The following ETFA variants were observed in gnomAD, a reference collection of about 807,000 sequenced individuals.
ETFA encodes the protein electron transfer flavoprotein subunit alpha, also known as electron transfer flavoprotein subunit alpha, mitochondrial.
In ETFA, 22 loss-of-function variants were observed where a neutral mutation model predicts 46.2. That is an observed-to-expected ratio of 0.48 (90% CI 0.34 to 0.68). The LOEUF is 0.68. ETFA is among the 30% of genes least tolerant of loss of function. The probability of loss-of-function intolerance (pLI) is 0.01; values close to 1 mark genes in which losing one functional copy is unlikely to be tolerated. For synonymous variants in ETFA, 131 were observed against 139.9 expected (o/e 0.94, Z 0.45); for missense variants, 345 against 401.1 (o/e 0.86, Z 1.19).
intron 9 of ETFA, among the ~76,000 whole-genome samples, chr15:76,249,435 A>ACC (rs2039274713): frequency 1.3e-5 from 1 of 74,806 alleles, no homozygotes; most frequent in African/African-American, 5.4e-5. Context: ...GTCCATGGTA[A>ACC]TTTTTTTTTT....
intron 7 of ETFA, 47 bp downstream of exon 7, chr15:76,285,589 AT>A (rs2039697388): frequency 9.6e-7 from 1 of 1,046,634 alleles, no homozygotes; most frequent in Non-Finnish European, 1.5e-6. Context: ...AAAAAAAAAA[AT>A]CAAAGTATTT....
At chr15:76,297,262 ATGTT>A (rs2039834078) in intron 1 of ETFA, among the ~76,000 whole-genome samples, 1 of 152,128 alleles carries the variant, frequency 6.6e-6, no homozygotes. Context: ...ATCAAATACA[ATGTT>A]TGTTTTCCAA....
chr15:76,298,375 A>C (rs1327171422), intron 1 of ETFA, among the ~76,000 whole-genome samples: 1 of 152,136 alleles, frequency 6.6e-6, no homozygotes, highest in East Asian at 1.9e-4. Flanking sequence ...CATCTATAGA[A>C]GGGTTCTAGG....
intron 1 of ETFA, among the ~76,000 whole-genome samples, chr15:76,305,165 C>A (rs2039928239): frequency 6.6e-6 from 1 of 151,304 alleles, no homozygotes; most frequent in Admixed American, 6.6e-5. Flanking sequence ...TCAGTGTTTT[C>A]CAGTCCTCTA....
chr15:76,286,398 T>G lies in ETFA; in HGVS notation c.535A>C (p.Ser179Arg), dbSNP rs1167865286. ...TTTTCTGAACTGGCACTACCGCCACTTGTTGCTGCAGCATCAAAGGATGTT... is the reference window on the plus strand; with the variant it reads ...TTTTCTGAACTGGCACTACCGCCACGTGTTGCTGCAGCATCAAAGGATGTT... Reference protein sequence around the residue: ...RGTSFDAAATSGGSASSEKAS... With the variant: ...RGTSFDAAATRGGSASSEKAS... Residue 179 changes from serine (S) to arginine (R), a missense_variant, in exon 6 of 12, where the codon AGT becomes CGT. Transcript: ENST00000557943. 1 of 1,613,312 alleles carries G rather than the reference T, an allele frequency of 6.2e-7. No homozygotes were observed. The highest frequency in any genetic ancestry group is 8.5e-7 in the Non-Finnish European group (1 of 1,179,272).
chr15:76,284,902 C>G (rs2039691707), intron 7 of ETFA: 1 of 402,226 alleles, frequency 2.5e-6, no homozygotes, highest in Non-Finnish European at 4.9e-6. Flanking sequence ...TGCACTCCAG[C>G]CTAGGCAACA....
chr15:76,224,997 G>C lies in ETFA; in HGVS notation c.963+852C>G, dbSNP rs529334979. Among the ~76,000 whole-genome samples, 55 of 152,128 alleles carry C rather than the reference G, an allele frequency of 3.6e-4. 1 individual carries two copies. The highest frequency in any genetic ancestry group is 3.5e-4 in the Non-Finnish European group (24 of 67,972). ...GAGAAGGAACACTCAAAAGTGAAGAGTGTGAGGAGTGAGAAATAAGTGCTC... is the reference window on the plus strand; with the variant it reads ...GAGAAGGAACACTCAAAAGTGAAGACTGTGAGGAGTGAGAAATAAGTGCTC... On this transcript the variant is annotated intron_variant, in intron 11 of 11. Transcript: ENST00000557943.
chr15:76,233,009 A>G lies in ETFA; in HGVS notation c.817-1611T>C, dbSNP rs150549009. Among the ~76,000 whole-genome samples, 249 of 152,348 alleles carry G rather than the reference A, an allele frequency of 1.6e-3. 2 individuals are homozygous for G. The highest frequency in any genetic ancestry group is 3.0e-3 in the Non-Finnish European group (203 of 68,034). On this transcript the variant is annotated intron_variant, in intron 9 of 11. Transcript: ENST00000557943. ...AGTCCCCAAAGTGAGTTAATCATCTAAAAATGAGATGAGCTTGTTTTTTGA... is the reference window on the plus strand; with the variant it reads ...AGTCCCCAAAGTGAGTTAATCATCTGAAAATGAGATGAGCTTGTTTTTTGA...
intron 9 of ETFA, among the ~76,000 whole-genome samples, chr15:76,254,162 T>C (rs2039327858): frequency 6.6e-6 from 1 of 152,174 alleles, no homozygotes; most frequent in African/African-American, 2.4e-5. Flanking sequence ...GATAGAAACC[T>C]GCAGTCTTTT....
At position 76,295,747 on chromosome 15, in the gene ETFA, G is replaced by C; in HGVS notation, c.40-10C>G. 4.0e-6 allele frequency: 6 copies of C among 1,516,558 alleles called. No individual in the cohort carries two copies. The highest frequency in any genetic ancestry group is 4.5e-6 in the Non-Finnish European group (5 of 1,118,662). 93.9% of individuals were successfully genotyped at this position (1,516,558 alleles called of 1,614,324 possible). On this transcript the variant is annotated splice_polypyrimidine_tract_variant and intron_variant, in intron 1 of 11. Coordinates refer to ENST00000557943, the MANE Select transcript of ETFA (RefSeq NM_000126.4). Reference sequence around the variant, plus strand: ...ATCGTAGCAATGAGGCCTAAAAAGAGCAAAAAGGAAAAAAAAAGGTAAAGA... The same window carrying C: ...ATCGTAGCAATGAGGCCTAAAAAGACCAAAAAGGAAAAAAAAAGGTAAAGA...
At chr15:76,269,541 A>C (rs1306634055) in intron 9 of ETFA, among the ~76,000 whole-genome samples, 1 of 152,142 alleles carries the variant, frequency 6.6e-6, no homozygotes, top group Non-Finnish European at 1.5e-5. Context: ...GGCCTCCCAG[A>C]GCTTGGGGCC....
At position 76,231,225 on chromosome 15, in the gene ETFA, G is replaced by A. The variant is rs536592378; in HGVS notation, c.882+108C>T. The A allele has an allele frequency of 3.1e-4, 246 of 781,220 alleles. 1 individual carries two copies. Among genetic ancestry groups the A allele is most frequent in the Non-Finnish European group, 5.2e-4 (221 of 427,138 alleles). 48.4% of individuals were successfully genotyped at this position (781,220 alleles called of 1,614,324 possible). ...TCTTTCAGTTCCCAGATCTACGTTAGTGTGAATGGCTTGACTACATGCATT... is the reference window on the plus strand; with the variant it reads ...TCTTTCAGTTCCCAGATCTACGTTAATGTGAATGGCTTGACTACATGCATT... On this transcript the variant is annotated intron_variant, in intron 10 of 11. Coordinates refer to ENST00000557943, the MANE Select transcript of ETFA (RefSeq NM_000126.4).
intron 9 of ETFA, chr15:76,261,416 G>A (rs767545622): frequency 2.3e-6 from 3 of 1,285,698 alleles, no homozygotes; most frequent in Non-Finnish European, 3.3e-6. Context: ...CCGATCCAGT[G>A]CTGCTCGCTG....
chr15:76,270,470 T>C (rs964550297), intron 9 of ETFA, among the ~76,000 whole-genome samples: 1 of 152,238 alleles, frequency 6.6e-6, no homozygotes, highest in Non-Finnish European at 1.5e-5. Context: ...AATATATATA[T>C]GCATATATTT....
chr15:76,265,869 A>G (rs2039465721), intron 9 of ETFA, among the ~76,000 whole-genome samples: 1 of 152,216 alleles, frequency 6.6e-6, no homozygotes, highest in Non-Finnish European at 1.5e-5. Context: ...CAAACAGATC[A>G]GACTGGATTG....
chr15:76,260,430 C>T (rs1294914248), intron 9 of ETFA: 14 of 1,585,614 alleles, frequency 8.8e-6, no homozygotes, highest in South Asian at 3.3e-5. Flanking sequence ...CCAGGATGTG[C>T]GGCTGTGAGG....
intron 10 of ETFA, among the ~76,000 whole-genome samples, chr15:76,229,329 A>G (rs2039039700): frequency 1.3e-5 from 2 of 152,216 alleles, no homozygotes. Flanking sequence ...AGTACAAGGA[A>G]TGGTCTTAAT....
At chr15:76,225,818 A>G in intron 11 of ETFA, 31 bp downstream of exon 11, 1 of 1,304,388 alleles carries the variant, frequency 7.7e-7, no homozygotes. Flanking sequence ...GACAATCTAG[A>G]TAATAGCAAT....
intron 10 of ETFA, 43 bp from the exon 11 acceptor site, chr15:76,225,972 A>T (rs199721270): frequency 6.0e-5 from 68 of 1,126,358 alleles, no homozygotes; most frequent in Non-Finnish European, 3.7e-5. Flanking sequence ...CCAAGAAAAC[A>T]TTTCACACAG....
Sources: gnomAD v4.1 joint callset for allele counts (sites outside exome capture counted in the v4.1 genomes callset) on GRCh38, gnomAD v4.1.1 for gene constraint, MANE v1.5 for transcripts, NCBI Gene and HGNC (gene_info 2026-07-23, HGNC 2026-07-21) for gene names.